The following LOC128092252 variants were observed in gnomAD, a reference collection of about 807,000 sequenced individuals.
the LOC128092252 span, among the ~76,000 whole-genome samples, chr15:50,686,244 C>G: frequency 1.3e-5 from 2 of 152,228 alleles, no homozygotes; most frequent in African/African-American, 4.8e-5. Context: ...CCAGGTAGTC[C>G]CGGGCTCGCG....
At chr15:50,650,012 T>C in the LOC128092252 span, among the ~76,000 whole-genome samples, 8 of 151,674 alleles carry the variant, frequency 5.3e-5, no homozygotes, top group East Asian at 2.0e-4. Flanking sequence ...CTGGCCAACA[T>C]GGTGAACCGT....
chr15:50,678,176 G>C, the LOC128092252 span, among the ~76,000 whole-genome samples: 12 of 147,864 alleles, frequency 8.1e-5, no homozygotes, highest in Admixed American at 7.9e-4. Context: ...AAGAGGCAGA[G>C]CTTGCAGTGA....
the LOC128092252 span, among the ~76,000 whole-genome samples, chr15:50,679,854 A>G: frequency 6.6e-6 from 1 of 152,004 alleles, no homozygotes; most frequent in Non-Finnish European, 1.5e-5. Flanking sequence ...TGCTTTTAAC[A>G]AAGAGTTACA....
At chr15:50,673,761 TATA>T in the LOC128092252 span, among the ~76,000 whole-genome samples, 1 of 152,198 alleles carries the variant, frequency 6.6e-6, no homozygotes, top group Non-Finnish European at 1.5e-5. Context: ...ATCTTTTTCT[TATA>T]ATGACTTATT....
the LOC128092252 span, among the ~76,000 whole-genome samples, chr15:50,659,541 A>G: frequency 1.3e-5 from 2 of 152,216 alleles, no homozygotes; most frequent in African/African-American, 2.4e-5. Flanking sequence ...TCTCTCATGA[A>G]TGGTTAAAGG....
chr15:50,670,615 G>A, the LOC128092252 span, among the ~76,000 whole-genome samples: 1 of 152,084 alleles, frequency 6.6e-6, no homozygotes, highest in Admixed American at 6.6e-5. Context: ...GGAACCCTCA[G>A]TTCTGGGAAC....
chr15:50,676,688 T>C, the LOC128092252 span, among the ~76,000 whole-genome samples: 4 of 152,228 alleles, frequency 2.6e-5, no homozygotes, highest in East Asian at 7.7e-4. Context: ...TCCCAATTTT[T>C]AAGGCTTTTT....
At chr15:50,652,161 T>A in the LOC128092252 span, among the ~76,000 whole-genome samples, 1 of 150,784 alleles carries the variant, frequency 6.6e-6, no homozygotes, top group Non-Finnish European at 1.5e-5. Context: ...GGTGAAATCC[T>A]GTCTCTACTA....
At chr15:50,656,784 G>A in the LOC128092252 span, among the ~76,000 whole-genome samples, 1 of 151,814 alleles carries the variant, frequency 6.6e-6, no homozygotes, top group South Asian at 2.1e-4. Context: ...AGACCCTAAA[G>A]CATATTACAA....
chr15:50,652,328 CAAAAAAAAAAAA>C, the LOC128092252 span, among the ~76,000 whole-genome samples: 5 of 34,230 alleles, frequency 1.5e-4, no homozygotes, highest in African/African-American at 5.7e-4. Context: ...GACTCCATCT[CAAAAAAAAAAAA>C]AAAAAAAAAA....
the LOC128092252 span, among the ~76,000 whole-genome samples, chr15:50,679,712 T>C: frequency 3.3e-5 from 5 of 150,638 alleles, no homozygotes; most frequent in African/African-American, 1.2e-4. Flanking sequence ...ATTTTTATAT[T>C]TTTAGTAGAG....
At chr15:50,650,191 TCAAAAAAA>T in the LOC128092252 span, among the ~76,000 whole-genome samples, 1 of 24,408 alleles carries the variant, frequency 4.1e-5, no homozygotes, top group Admixed American at 6.0e-4. Flanking sequence ...AGACTTTGTC[TCAAAAAAA>T]AAAAAAAAAA....
At chr15:50,679,285 T>C in the LOC128092252 span, among the ~76,000 whole-genome samples, 1 of 149,590 alleles carries the variant, frequency 6.7e-6, no homozygotes, top group Non-Finnish European at 1.5e-5. Flanking sequence ...CAGTAAGCCA[T>C]GATGATGTCA....
chr15:50,653,229 T>C, the LOC128092252 span, among the ~76,000 whole-genome samples: 7 of 152,248 alleles, frequency 4.6e-5, no homozygotes, highest in Non-Finnish European at 1.0e-4. Context: ...AGTGGGAGCA[T>C]AGCTTGAGCC....
At chr15:50,650,713 CAA>C in the LOC128092252 span, among the ~76,000 whole-genome samples, 1 of 147,288 alleles carries the variant, frequency 6.8e-6, no homozygotes, top group Admixed American at 6.8e-5. Flanking sequence ...CAAAAAAAAA[CAA>C]AAAAATCAGA....
chr15:50,670,386 T>C, the LOC128092252 span, among the ~76,000 whole-genome samples: 903 of 152,128 alleles, frequency 5.9e-3, 7 homozygotes, highest in East Asian at 0.021. Context: ...ACATAAGATA[T>C]AGGCCATAAA....
chr15:50,681,525 A>G, the LOC128092252 span, among the ~76,000 whole-genome samples: 1 of 152,194 alleles, frequency 6.6e-6, no homozygotes, highest in East Asian at 1.9e-4. Flanking sequence ...TCTGCTTCTC[A>G]GGTAACTTTC....
At chr15:50,686,639 G>T in the LOC128092252 span, 1 of 1,491,146 alleles carries the variant, frequency 6.7e-7, no homozygotes, top group Non-Finnish European at 9.0e-7. Flanking sequence ...AGCAGAGGCC[G>T]CCGGACAAGG....
the LOC128092252 span, among the ~76,000 whole-genome samples, chr15:50,653,822 G>A: frequency 6.6e-6 from 1 of 152,202 alleles, no homozygotes; most frequent in Non-Finnish European, 1.5e-5. Flanking sequence ...GTATCTGTGA[G>A]AGATTCTGTG....
Sources: allele counts gnomAD v4.1 joint callset (sites outside exome capture counted in the v4.1 genomes callset), GRCh38; gene constraint gnomAD v4.1.1; transcripts MANE v1.5.